The following UNC5C variants were observed in gnomAD, a reference collection of about 807,000 sequenced individuals.
UNC5C encodes netrin receptor UNC5C.
UNC5C carries 47 observed loss-of-function variants against 99.8 expected under a neutral mutation model. That is an observed-to-expected ratio of 0.47 (90% CI 0.37 to 0.60). UNC5C has a LOEUF of 0.60. UNC5C is among the 20% of genes least tolerant of loss of function. UNC5C has a pLI of 0.00. For synonymous variants in UNC5C, 487 were observed against 452.2 expected, an observed-to-expected ratio of 1.08 and a Z score of -0.98; for missense variants, 1,062 against 1,165.9, an observed-to-expected ratio of 0.91 and a Z score of 1.30.
At chr4:95,453,174 C>T (rs760094992) in intron 1 of UNC5C, among the ~76,000 whole-genome samples, 2 of 152,082 alleles carry the variant, frequency 1.3e-5, no homozygotes, top group African/African-American at 4.8e-5. Flanking sequence ...AGCACCAATG[C>T]TTTGGGCAAG....
chr4:95,484,151 AC>A, intron 1 of UNC5C, among the ~76,000 whole-genome samples: 1 of 151,958 alleles, frequency 6.6e-6, no homozygotes, highest in South Asian at 2.1e-4. Flanking sequence ...TATTAAGCAG[AC>A]CTACAGGAAG....
At chr4:95,365,102 C>A (rs1348052478) in intron 1 of UNC5C, among the ~76,000 whole-genome samples, 1 of 151,094 alleles carries the variant, frequency 6.6e-6, no homozygotes, top group East Asian at 1.9e-4. Flanking sequence ...CGAGACTACC[C>A]TGGCCAACAT....
In UNC5C at chr4:95,242,533, C is replaced by G. The variant is rs1294801129; in HGVS notation, c.1004G>C (p.Trp335Ser). Residue 335 changes from tryptophan to serine, a missense_variant, in exon 7 of 16, where the codon TGG becomes TCG. By Grantham distance (177) the Trp-to-Ser change is radical. Transcript: ENST00000453304. ...WSTCGTECTH[W>S]RRRECTAPAP... is the part of the protein sequence containing the mutation. Reference sequence around the variant, plus strand: ...TGGCGCCGTGCACTCCCTCCTGCGCCAGTGGGTGCACTCAGTTCCACAAGT... The same window carrying G: ...TGGCGCCGTGCACTCCCTCCTGCGCGAGTGGGTGCACTCAGTTCCACAAGT... 9 of 1,611,986 alleles carry G rather than the reference C, an allele frequency of 5.6e-6. No homozygotes were observed. The highest frequency in any genetic ancestry group is 4.0e-5 in the African/African-American group (3 of 74,894).
chr4:95,270,638 G>C (rs1304602881), intron 4 of UNC5C, among the ~76,000 whole-genome samples: 6 of 152,160 alleles, frequency 3.9e-5, no homozygotes, highest in Admixed American at 6.5e-5. Context: ...CTTGAAATCT[G>C]AAAACTTCTA....
chr4:95,511,864 T>C (rs949446351), intron 1 of UNC5C, among the ~76,000 whole-genome samples: 2 of 152,170 alleles, frequency 1.3e-5, no homozygotes, highest in Non-Finnish European at 2.9e-5. Context: ...AGTTTTCTTC[T>C]GAGGAAGTTG....
At chr4:95,303,109 A>G (rs1024592063) in intron 2 of UNC5C, among the ~76,000 whole-genome samples, 9 of 152,210 alleles carry the variant, frequency 5.9e-5, no homozygotes, top group African/African-American at 2.2e-4. Context: ...AGCACCAACC[A>G]CAGAGAATAG....
At chr4:95,330,566 T>G (rs1743071415) in intron 2 of UNC5C, among the ~76,000 whole-genome samples, 1 of 152,126 alleles carries the variant, frequency 6.6e-6, no homozygotes, top group Non-Finnish European at 1.5e-5. Flanking sequence ...GGAAAGTTGG[T>G]TGGTGATACA....
At chr4:95,467,270 G>A (rs1747811376) in intron 1 of UNC5C, among the ~76,000 whole-genome samples, 1 of 152,190 alleles carries the variant, frequency 6.6e-6, no homozygotes, top group Non-Finnish European at 1.5e-5. Context: ...AAATGTTGGG[G>A]TAATTTGTTA....
intron 1 of UNC5C, among the ~76,000 whole-genome samples, chr4:95,374,325 G>A (rs1227009395): frequency 1.3e-5 from 2 of 152,050 alleles, no homozygotes; most frequent in East Asian, 3.9e-4. Context: ...ATATCTTCTA[G>A]AGATATATTA....
chr4:95,394,241 CT>C (rs1346619505), intron 1 of UNC5C, among the ~76,000 whole-genome samples: 2 of 149,934 alleles, frequency 1.3e-5, no homozygotes, highest in East Asian at 3.9e-4. Context: ...ACTTCTGAAA[CT>C]TTAATAGTAA....
chr4:95,317,938 C>A (rs981919073), intron 2 of UNC5C, among the ~76,000 whole-genome samples: 2 of 151,894 alleles, frequency 1.3e-5, no homozygotes, highest in Non-Finnish European at 2.9e-5. Flanking sequence ...GGGCTGAATG[C>A]GGAATGGTGT....
At chr4:95,414,068 C>G (rs1746087483) in intron 1 of UNC5C, among the ~76,000 whole-genome samples, 3 of 152,294 alleles carry the variant, frequency 2.0e-5, no homozygotes, top group South Asian at 4.1e-4. Flanking sequence ...TGTGTTACCC[C>G]CAAATATCAC....
intron 10 of UNC5C, among the ~76,000 whole-genome samples, chr4:95,207,863 T>C (rs1737938231): frequency 6.6e-6 from 1 of 152,232 alleles, no homozygotes; most frequent in South Asian, 2.1e-4. Context: ...AAAATATTCT[T>C]ACTTAGAATG....
In UNC5C at chr4:95,480,314, T is replaced by C. The variant is rs188191793; in HGVS notation, c.124+68420A>G. ...GTGTATATATAGATAGCCTATTGGCTCTGGTTCTCTGGAGAAAGATGACTA... is the reference window on the plus strand; with the variant it reads ...GTGTATATATAGATAGCCTATTGGCCCTGGTTCTCTGGAGAAAGATGACTA... On this transcript the variant is annotated intron_variant, in intron 1 of 15. Transcript: ENST00000453304. 4.7e-3 allele frequency among the ~76,000 whole-genome samples: 715 copies of C among 152,018 alleles called. 7 individuals carry two copies. Among genetic ancestry groups the C allele is most frequent in the Middle Eastern group, 0.031 (9 of 294 alleles).
rs905302872 is a variant in UNC5C, at chr4:95,466,681, G to GA, written c.124+82052dup. Among the ~76,000 whole-genome samples the GA allele has an allele frequency of 1.1e-4, 17 of 147,962 alleles. No homozygotes were observed. The East Asian group carries it at 1.2e-3, about 10-fold the overall frequency. Reference sequence around the variant, plus strand: ...AGCTATGGACATAGGGTGAATACGAGAAAAAAAAAATCCCAGGCCTCAAAG... The same window carrying GA: ...AGCTATGGACATAGGGTGAATACGAGAAAAAAAAAAATCCCAGGCCTCAAAG... On this transcript the variant is annotated intron_variant, in intron 1 of 15. Coordinates refer to ENST00000453304, the MANE Select transcript of UNC5C (RefSeq NM_003728.4).
intron 1 of UNC5C, among the ~76,000 whole-genome samples, chr4:95,355,097 G>A (rs767765227): frequency 4.6e-5 from 7 of 152,028 alleles, no homozygotes; most frequent in Non-Finnish European, 2.9e-5. Flanking sequence ...ATAAAAATAG[G>A]CTTTGAGATT....
At chr4:95,396,078 A>G (rs948001286) in intron 1 of UNC5C, among the ~76,000 whole-genome samples, 2 of 152,136 alleles carry the variant, frequency 1.3e-5, no homozygotes, top group African/African-American at 4.8e-5. Context: ...ATAACCAATA[A>G]CGAGGGCAAA....
At chr4:95,500,392 CAAT>C (rs747659667) in intron 1 of UNC5C, among the ~76,000 whole-genome samples, 1 of 151,940 alleles carries the variant, frequency 6.6e-6, no homozygotes, top group Non-Finnish European at 1.5e-5. Flanking sequence ...GCTTATACAA[CAAT>C]GTCTGGCCAT....
chr4:95,282,834 A>T (rs1479318916), intron 3 of UNC5C, among the ~76,000 whole-genome samples: 1 of 152,170 alleles, frequency 6.6e-6, no homozygotes, highest in African/African-American at 2.4e-5. Flanking sequence ...CACTTTTTAC[A>T]CAAAATGGAG....
Sources: gnomAD v4.1 joint callset for allele counts (sites outside exome capture counted in the v4.1 genomes callset) on GRCh38, gnomAD v4.1.1 for gene constraint, MANE v1.5 for transcripts, NCBI Gene and HGNC (gene_info 2026-07-23, HGNC 2026-07-21) for gene names.